The following NRG1 variants were observed in gnomAD, a reference collection of about 807,000 sequenced individuals.
NRG1 encodes the protein pro-neuregulin-1, membrane-bound isoform.
A neutral mutation model predicts 63.8 loss-of-function variants in NRG1; 18 were observed. The observed-to-expected ratio is 0.28, with a 90% confidence interval of 0.19 to 0.42. The LOEUF (loss-of-function observed/expected upper bound fraction) is 0.42, where lower values mean the gene tolerates loss of function less well. Ranked by LOEUF, NRG1 falls within the 10% of genes least tolerant of loss-of-function variation. The probability of loss-of-function intolerance (pLI) is 1.00; values close to 1 mark genes in which losing one functional copy is unlikely to be tolerated. For missense variants in NRG1, 762 were observed against 814.7 expected, an observed-to-expected ratio of 0.94 and a Z score of 0.79; for synonymous variants, 302 against 301.3, an observed-to-expected ratio of 1.00 and a Z score of -0.02.
chr8:32,743,086 T>C (rs1208380630), intron 7 of NRG1: 2 of 1,071,110 alleles, frequency 1.9e-6, no homozygotes, highest in African/African-American at 3.3e-5. Context: ...ATCATTCTAC[T>C]GAACAGTCCA....
chr8:32,005,135 A>C lies in NRG1; in HGVS notation c.37+365704A>C, dbSNP rs73672025. 4.6e-3 allele frequency among the ~76,000 whole-genome samples: 697 copies of C among 151,570 alleles called. 2 individuals are homozygous for C. Among genetic ancestry groups the C allele is most frequent in the African/African-American group, 0.016 (671 of 41,404 alleles). ...GGAAGAAAGAAGGGAGGGAGGATGG[A>C]AGAGAGGAAGGAAGGAGGGAGGGAG... On this transcript the variant is annotated intron_variant, in intron 1 of 10. Transcript: ENST00000519301.
chr8:32,656,355 G>A (rs1589020389), intron 5 of NRG1, among the ~76,000 whole-genome samples: 1 of 152,062 alleles, frequency 6.6e-6, no homozygotes, highest in East Asian at 1.9e-4. Context: ...AAAATAATTG[G>A]AGCTTAAGTA....
At chr8:32,117,034 C>T (rs1832819277) in intron 1 of NRG1, among the ~76,000 whole-genome samples, 1 of 149,308 alleles carries the variant, frequency 6.7e-6, no homozygotes, top group Non-Finnish European at 1.5e-5. Flanking sequence ...CCTAGCTACT[C>T]AGGAGGCTGA....
Position 31,966,815 on chromosome 8 carries a change from A to G in NRG1, c.37+327384A>G, listed in dbSNP as rs577518371. Reference sequence around the variant, plus strand: ...TGATATTTAAGAAGGTTGATAAAATATTTGAACACAACTGCAATCCATACC... The same window carrying G: ...TGATATTTAAGAAGGTTGATAAAATGTTTGAACACAACTGCAATCCATACC... On this transcript the variant is annotated intron_variant, in intron 1 of 10. Transcript: ENST00000519301. Among the ~76,000 whole-genome samples, 11 of 151,070 alleles carry G rather than the reference A, an allele frequency of 7.3e-5. No homozygotes were observed. In the Middle Eastern group the frequency reaches 0.014, roughly 189 times the overall value.
intron 1 of NRG1, among the ~76,000 whole-genome samples, chr8:32,130,630 G>A (rs576227019): frequency 1.3e-5 from 2 of 151,988 alleles, no homozygotes; most frequent in East Asian, 3.9e-4. Flanking sequence ...TATACTGCGA[G>A]CTAACTGTGC....
chr8:31,669,603 A>G lies in NRG1; in HGVS notation c.37+30172A>G, dbSNP rs569731081. Among the ~76,000 whole-genome samples, 3 of 152,326 alleles carry G rather than the reference A, an allele frequency of 2.0e-5. No individual in the cohort carries two copies. In the East Asian group the frequency reaches 5.8e-4, roughly 29 times the overall value. ...TTTGTGTACATTGAACCATCAGAAA[A>G]AAAAGGATTACTGTCTCAGTCTCCC... On this transcript the variant is annotated intron_variant, in intron 1 of 10. Coordinates refer to the NRG1 transcript ENST00000519301.
intron 1 of NRG1, among the ~76,000 whole-genome samples, chr8:32,413,523 C>T (rs1330293069): frequency 2.0e-5 from 3 of 152,064 alleles, no homozygotes; most frequent in South Asian, 4.2e-4. Context: ...TAATAAAGGC[C>T]GGGCGCAGTG....
At chr8:32,719,344 C>T (rs1300422070) in intron 5 of NRG1, among the ~76,000 whole-genome samples, 1 of 151,904 alleles carries the variant, frequency 6.6e-6, no homozygotes, top group African/African-American at 2.4e-5. Context: ...TGTAATGAAT[C>T]TCCATGTAGC....
intron 1 of NRG1, among the ~76,000 whole-genome samples, chr8:31,820,560 G>A (rs1366167084): frequency 6.6e-6 from 1 of 152,128 alleles, no homozygotes; most frequent in East Asian, 1.9e-4. Context: ...GCAGAAATGT[G>A]AACATGTTCA....
At position 32,144,677 on chromosome 8, in the gene NRG1, C is replaced by T. The variant is rs149692725; in HGVS notation, c.38-451151C>T. Among the ~76,000 whole-genome samples, 64 of 152,232 alleles carry T rather than the reference C, an allele frequency of 4.2e-4. No individual in the cohort carries two copies. In the East Asian group the frequency reaches 7.0e-3, roughly 17 times the overall value. On this transcript the variant is annotated intron_variant, in intron 1 of 10. Transcript: ENST00000519301. ...TGTTTATATATTTTTATTTTGGTCT[C>T]GGTTTTCCTTTATCTAAAAACGTCA...
At chr8:32,486,240 T>A (rs1825883962) in intron 1 of NRG1, among the ~76,000 whole-genome samples, 1 of 152,148 alleles carries the variant, frequency 6.6e-6, no homozygotes, top group Admixed American at 6.5e-5. Context: ...CCTCAGAATT[T>A]CTTACTGAAT....
chr8:32,554,485 T>C (rs1588262957), intron 1 of NRG1, among the ~76,000 whole-genome samples: 2 of 152,244 alleles, frequency 1.3e-5, no homozygotes, highest in African/African-American at 4.8e-5. Flanking sequence ...AATAATTCAC[T>C]GTATATAACC....
chr8:32,114,592 G>C (rs961970724), intron 1 of NRG1, among the ~76,000 whole-genome samples: 1 of 152,126 alleles, frequency 6.6e-6, no homozygotes, highest in Admixed American at 6.5e-5. Flanking sequence ...GACCTCACAT[G>C]GGTAAAGGAA....
At position 31,919,589 on chromosome 8, in the gene NRG1, AACTT is replaced by A. The variant is rs1478269273; in HGVS notation, c.37+280160_37+280163del. Among the ~76,000 whole-genome samples, 5 of 152,146 alleles carry A rather than the reference AACTT, an allele frequency of 3.3e-5. No individual in the cohort carries two copies. The East Asian group carries it at 9.6e-4, about 29-fold the overall frequency. On this transcript the variant is annotated intron_variant, in intron 1 of 10. Coordinates refer to the NRG1 transcript ENST00000519301. ...CTGTTAAAATTTGACATATTACTGA[AACTT>A]AATTAGTAATATCGAAATATTTCAG...
chr8:31,867,380 A>G (rs1829058378), intron 1 of NRG1, among the ~76,000 whole-genome samples: 1 of 152,088 alleles, frequency 6.6e-6, no homozygotes, highest in African/African-American at 2.4e-5. Context: ...AACTCCCTTG[A>G]TTTGTATGTT....
intron 1 of NRG1, among the ~76,000 whole-genome samples, chr8:31,652,632 C>T (rs376313646): frequency 6.6e-6 from 1 of 152,154 alleles, no homozygotes; most frequent in Non-Finnish European, 1.5e-5. Context: ...GCTTCTCTAT[C>T]TACCTGTTTG....
chr8:31,880,693 A>G (rs1052832001), intron 1 of NRG1, among the ~76,000 whole-genome samples: 5 of 152,224 alleles, frequency 3.3e-5, no homozygotes, highest in African/African-American at 9.7e-5. Flanking sequence ...ACAAATATTT[A>G]AGTAATCACC....
intron 1 of NRG1, among the ~76,000 whole-genome samples, chr8:31,968,368 A>G (rs1244649185): frequency 2.0e-5 from 3 of 152,184 alleles, no homozygotes; most frequent in Non-Finnish European, 4.4e-5. Flanking sequence ...AGTGCTGACA[A>G]GTCTGCTTTG....
Position 32,283,801 on chromosome 8 carries a change from A to T in NRG1, c.38-312027A>T, listed in dbSNP as rs572616122. On this transcript the variant is annotated intron_variant, in intron 1 of 10. Transcript: ENST00000519301. ...TGACTTTCCAGTTACCTGGCATTTC[A>T]TTCTACTTTTTGGAATGGCCTGAGC... 2.0e-4 allele frequency among the ~76,000 whole-genome samples: 30 copies of T among 152,160 alleles called. No homozygotes were observed. In the South Asian group the frequency reaches 2.5e-3, roughly 13 times the overall value.
Sources: gnomAD v4.1 joint callset for allele counts (sites outside exome capture counted in the v4.1 genomes callset) on GRCh38, gnomAD v4.1.1 for gene constraint, MANE v1.5 for transcripts, NCBI Gene and HGNC (gene_info 2026-07-23, HGNC 2026-07-21) for gene names.